Variants in DLGAP2 observed in about 807,000 individuals in gnomAD.
DLGAP2 encodes disks large-associated protein 2.
In DLGAP2, 26 loss-of-function variants were observed where a neutral mutation model predicts 100.3. That is an observed-to-expected ratio of 0.26 (90% confidence interval 0.19 to 0.36). The LOEUF (loss-of-function observed/expected upper bound fraction) is 0.36. Ranked by LOEUF, DLGAP2 falls within the 10% of genes least tolerant of loss-of-function variation. DLGAP2 has a pLI of 1.00. For synonymous variants in DLGAP2, 886 were observed against 630.1 expected (o/e 1.41, Z -6.08); for missense variants, 1,858 against 1,453.2 (o/e 1.28, Z -4.53).
intron 3 of DLGAP2, chr8:1,296,326 C>T (rs566615108): frequency 3.3e-5 from 5 of 152,196 alleles, no homozygotes; most frequent in East Asian, 1.9e-4. Flanking sequence ...AAATAAATTC[C>T]GAGTGCCTTA....
At chr8:1,348,143 C>G (rs979801029) in intron 3 of DLGAP2, among the ~76,000 whole-genome samples, 4 of 151,738 alleles carry the variant, frequency 2.6e-5, no homozygotes, top group Non-Finnish European at 4.4e-5. Flanking sequence ...GGTTGAGTTC[C>G]CATACAGAGC....
chr8:1,690,261 C>G (rs1384240659), intron 12 of DLGAP2, among the ~76,000 whole-genome samples: 1 of 151,238 alleles, frequency 6.6e-6, no homozygotes, highest in Non-Finnish European at 1.5e-5. Context: ...GAGGCTGAGG[C>G]AGGAGAATCA....
chr8:1,177,559 T>C (rs1056033937), intron 2 of DLGAP2, among the ~76,000 whole-genome samples: 3 of 152,224 alleles, frequency 2.0e-5, no homozygotes, highest in Non-Finnish European at 4.4e-5. Flanking sequence ...GTGTCTTTAC[T>C]CTTAGATGAC....
At chr8:1,438,522 C>A (rs926715139) in intron 3 of DLGAP2, among the ~76,000 whole-genome samples, 2 of 152,152 alleles carry the variant, frequency 1.3e-5, no homozygotes, top group African/African-American at 4.8e-5. Flanking sequence ...GGTGACTCAC[C>A]ACTAGCTTTT....
intron 3 of DLGAP2, among the ~76,000 whole-genome samples, chr8:1,384,545 C>T (rs1796172529): frequency 7.3e-6 from 1 of 136,582 alleles, no homozygotes; most frequent in African/African-American, 2.8e-5. Context: ...GTTACCCCGG[C>T]CTGTGCCCGG....
At chr8:1,226,611 G>T (rs976130937) in intron 2 of DLGAP2, among the ~76,000 whole-genome samples, 3 of 152,070 alleles carry the variant, frequency 2.0e-5, no homozygotes, top group African/African-American at 7.2e-5. Flanking sequence ...CATGTATCCT[G>T]GAACTGAAAA....
At chr8:1,056,182 C>T (rs1802877782) in intron 2 of DLGAP2, among the ~76,000 whole-genome samples, 1 of 152,216 alleles carries the variant, frequency 6.6e-6, no homozygotes, top group African/African-American at 2.4e-5. Flanking sequence ...CCCGTTTGTT[C>T]CTGGTTATAA....
intron 2 of DLGAP2, among the ~76,000 whole-genome samples, chr8:1,232,220 A>G (rs1014626024): frequency 1.3e-5 from 2 of 152,246 alleles, no homozygotes; most frequent in African/African-American, 4.8e-5. Flanking sequence ...TGCCGGGGTC[A>G]TCAGCCAGCA....
At chr8:900,736 G>C (rs78155042) in intron 1 of DLGAP2, among the ~76,000 whole-genome samples, 18,027 of 152,186 alleles carry the variant, frequency 0.12, 1,374 homozygotes, top group Admixed American at 0.25. Context: ...TTCCGGGGAG[G>C]TTAACAGCAG....
intron 1 of DLGAP2, among the ~76,000 whole-genome samples, chr8:793,213 C>T (rs1026513268): frequency 1.3e-5 from 2 of 152,148 alleles, no homozygotes; most frequent in African/African-American, 4.8e-5. Context: ...TCTTAGAATC[C>T]TTGAATGTCT....
At chr8:818,811 T>C (rs1329134082) in intron 1 of DLGAP2, among the ~76,000 whole-genome samples, 2 of 152,178 alleles carry the variant, frequency 1.3e-5, no homozygotes, top group Non-Finnish European at 2.9e-5. Flanking sequence ...TAGAAGATGA[T>C]CTGTAGAAAT....
intron 1 of DLGAP2, among the ~76,000 whole-genome samples, chr8:823,485 C>A (rs1174706163): frequency 6.6e-6 from 1 of 152,124 alleles, no homozygotes; most frequent in Non-Finnish European, 1.5e-5. Context: ...AAAAGACTCA[C>A]TCTGGTGTGT....
At chr8:779,163 C>A (rs557105322) in intron 1 of DLGAP2, among the ~76,000 whole-genome samples, 75 of 152,384 alleles carry the variant, frequency 4.9e-4, no homozygotes, top group African/African-American at 1.8e-3. Context: ...ACGCCTTGCG[C>A]TTCCCGAGTG....
rs189148859 is a variant in DLGAP2, at chr8:1,446,409, T to G, written c.107-54957T>G. 4.2e-3 allele frequency among the ~76,000 whole-genome samples: 646 copies of G among 152,288 alleles called. 6 individuals carry two copies. The highest frequency in any genetic ancestry group is 0.014 in the African/African-American group (592 of 41,550). On this transcript the variant is annotated intron_variant, in intron 3 of 14. Coordinates refer to ENST00000637795, the MANE Select transcript of DLGAP2 (RefSeq NM_001346810.2). ...CAAAGATCAGATGGTTGTAGATATG[T>G]GGCATTATTTCTGAGGGCTCTGTTC... is the stretch of plus-strand genomic sequence containing the variant.
At chr8:935,843 T>C (rs537408931) in intron 2 of DLGAP2, among the ~76,000 whole-genome samples, 171 of 152,274 alleles carry the variant, frequency 1.1e-3, no homozygotes, top group African/African-American at 3.9e-3. Flanking sequence ...TCAGGGAGTA[T>C]GAGTGTTTAT....
At chr8:998,087 G>C (rs866436388) in intron 2 of DLGAP2, among the ~76,000 whole-genome samples, 1 of 151,782 alleles carries the variant, frequency 6.6e-6, no homozygotes, top group African/African-American at 2.4e-5. Context: ...GCACACACCC[G>C]TGTCTGCACA....
At chr8:1,218,499 G>GTTT (rs58452184) in intron 2 of DLGAP2, among the ~76,000 whole-genome samples, 23 of 151,580 alleles carry the variant, frequency 1.5e-4, no homozygotes, top group South Asian at 4.1e-4. Context: ...GTTTAGTTTT[G>GTTT]TTTTTTTACC....
intron 2 of DLGAP2, among the ~76,000 whole-genome samples, chr8:1,043,885 G>A (rs761195167): frequency 6.6e-6 from 1 of 152,082 alleles, no homozygotes; most frequent in Non-Finnish European, 1.5e-5. Context: ...CTCGCTGCTG[G>A]GCTCCAGGAA....
chr8:1,631,499 G>A (rs909019888), intron 7 of DLGAP2, among the ~76,000 whole-genome samples: 1 of 152,204 alleles, frequency 6.6e-6, no homozygotes, highest in African/African-American at 2.4e-5. Context: ...AAGCCAGTGT[G>A]CATGCTTCTG....
Sources: gnomAD v4.1 joint callset for allele counts (sites outside exome capture counted in the v4.1 genomes callset) on GRCh38, gnomAD v4.1.1 for gene constraint, MANE v1.5 for transcripts, NCBI Gene and HGNC (gene_info 2026-07-23, HGNC 2026-07-21) for gene names.